AGAP1: variants seen among roughly 807,000 people sequenced by gnomAD.
The protein encoded by AGAP1 is arf-GAP with GTPase, ANK repeat and PH domain-containing protein 1.
Under a neutral mutation model 105.3 loss-of-function variants are expected in AGAP1, and 29 were observed. That is an observed-to-expected ratio of 0.28 (90% CI 0.21 to 0.38). The LOEUF (loss-of-function observed/expected upper bound fraction) is 0.38. Ranked by LOEUF, AGAP1 falls within the 10% of genes least tolerant of loss-of-function variation. The pLI is 1.00. For missense variants in AGAP1, 998 were observed against 1,165.1 expected, an observed-to-expected ratio of 0.86 and a Z score of 2.09; for synonymous variants, 509 against 485.9, an observed-to-expected ratio of 1.05 and a Z score of -0.63.
Position 235,883,459 on chromosome 2 carries a change from G to T in AGAP1, c.1155+10G>T. 6.2e-7 allele frequency: 1 copy of T among 1,608,240 alleles called. No homozygotes were observed. The highest frequency in any genetic ancestry group is 1.1e-5 in the South Asian group (1 of 90,782). On this transcript the variant is annotated intron_variant, in intron 10 of 17. Transcript: ENST00000304032. The surrounding 1 kb of genome is among the most constrained non-coding windows in gnomAD (Gnocchi z 4.5). ...TCATCCCAGTTTACATGTGAGTATA[G>T]CCCCCTCGGAGCAATTAACAGCTGC...
At chr2:235,921,975 T>C (rs2052202895) in intron 11 of AGAP1, among the ~76,000 whole-genome samples, 1 of 152,206 alleles carries the variant, frequency 6.6e-6, no homozygotes, top group African/African-American at 2.4e-5. Flanking sequence ...TTCTGTTCTT[T>C]TTGGGTTTGT....
Position 235,751,302 on chromosome 2 carries a change from C to G in AGAP1, c.673+814C>G, listed in dbSNP as rs1336204629. 1.3e-5 allele frequency among the ~76,000 whole-genome samples: 2 copies of G among 152,114 alleles called. No homozygotes were observed. Among genetic ancestry groups the G allele is most frequent in the Non-Finnish European group, 2.9e-5 (2 of 68,006 alleles). On this transcript the variant is annotated intron_variant, in intron 6 of 17. Transcript: ENST00000304032. This position sits in a 1 kb window ranked among gnomAD's most constrained non-coding sequence, Gnocchi z 5.3. ...GAGAGGCATGGTTCTGGCAGAGGGT[C>G]CCCTTGCTGGTGGGAGTGGTGGAAG...
At chr2:235,511,328 A>AG (rs1942098799) in intron 1 of AGAP1, among the ~76,000 whole-genome samples, 1 of 151,024 alleles carries the variant, frequency 6.6e-6, no homozygotes, top group Non-Finnish European at 1.5e-5. Context: ...GTGTGCCCAG[A>AG]GGGGCCCGCC....
At position 235,754,943 on chromosome 2, in the gene AGAP1, C is replaced by A. The variant is rs1367716363; in HGVS notation, c.673+4455C>A. Among the ~76,000 whole-genome samples the A allele has an allele frequency of 6.6e-6, 1 of 152,240 alleles. No individual in the cohort carries two copies. Among genetic ancestry groups the A allele is most frequent in the African/African-American group, 2.4e-5 (1 of 41,480 alleles). ...CTGCTTTCTGGGGGTGGAGCGTTCT[C>A]GCTCCTGCTCACAGGCGAGTTTGTG... On this transcript the variant is annotated intron_variant, in intron 6 of 17. Transcript: ENST00000304032. The surrounding 1 kb of genome is among the most constrained non-coding windows in gnomAD (Gnocchi z 4.6).
At chr2:235,594,906 T>TTTA (rs60333666) in intron 1 of AGAP1, among the ~76,000 whole-genome samples, 1 of 138,712 alleles carries the variant, frequency 7.2e-6, no homozygotes, top group South Asian at 2.2e-4. Flanking sequence ...TTTTTTTTTT[T>TTTA]ATGATGTAAA....
rs557150153 is a variant in AGAP1, at chr2:235,841,550, G to A, written c.1050+34219G>A. Among the ~76,000 whole-genome samples the A allele has an allele frequency of 3.3e-4, 51 of 152,272 alleles. 1 individual carries two copies. Among genetic ancestry groups the A allele is most frequent in the South Asian group, 3.1e-3 (15 of 4,822 alleles). On this transcript the variant is annotated intron_variant, in intron 9 of 17. Coordinates refer to ENST00000304032, the MANE Select transcript of AGAP1 (RefSeq NM_001037131.3). ...AGGCTGAGGTAGAAGGATCACCTGA[G>A]CCTAGGGAGGTTGAGGCTGCAGTGA...
At chr2:235,998,633 T>C (rs1252423054) in intron 13 of AGAP1, among the ~76,000 whole-genome samples, 1 of 145,972 alleles carries the variant, frequency 6.9e-6, no homozygotes, top group East Asian at 1.9e-4. Flanking sequence ...AAGTTAGGGA[T>C]GGTGACGGTG....
At chr2:235,832,368 C>T (rs1959524019) in intron 9 of AGAP1, among the ~76,000 whole-genome samples, 1 of 152,124 alleles carries the variant, frequency 6.6e-6, no homozygotes, top group South Asian at 2.1e-4. Context: ...CTTCATTTTG[C>T]CTGTAACATA....
intron 9 of AGAP1, among the ~76,000 whole-genome samples, chr2:235,848,466 GA>G (rs1961775955): frequency 1.3e-5 from 2 of 152,164 alleles, no homozygotes; most frequent in African/African-American, 4.8e-5. Flanking sequence ...ACATGCTTAA[GA>G]AAAAGAGGGA....
At chr2:235,876,175 G>C (rs1325751224) in intron 9 of AGAP1, among the ~76,000 whole-genome samples, 1 of 152,048 alleles carries the variant, frequency 6.6e-6, no homozygotes, top group Admixed American at 6.6e-5. Flanking sequence ...GCAAATACTT[G>C]TATCTGTTGT....
intron 1 of AGAP1, among the ~76,000 whole-genome samples, chr2:235,541,975 C>T (rs1440807505): frequency 3.3e-5 from 5 of 152,102 alleles, no homozygotes; most frequent in Non-Finnish European, 4.4e-5. Flanking sequence ...GTTCTTCTAA[C>T]GGCTGCATTA....
At chr2:235,722,439 G>T (rs571246723) in intron 3 of AGAP1, among the ~76,000 whole-genome samples, 2 of 152,262 alleles carry the variant, frequency 1.3e-5, no homozygotes, top group South Asian at 4.1e-4. Context: ...TGGCTGGGAG[G>T]GTTAAGGTGG....
At chr2:235,839,869 T>C (rs993960646) in intron 9 of AGAP1, among the ~76,000 whole-genome samples, 1 of 152,108 alleles carries the variant, frequency 6.6e-6, no homozygotes, top group Non-Finnish European at 1.5e-5. Flanking sequence ...TGATTTCCAC[T>C]CAGAAATAGA....
intron 9 of AGAP1, among the ~76,000 whole-genome samples, chr2:235,829,327 C>T (rs75474454): frequency 7.7e-4 from 117 of 152,312 alleles, no homozygotes; most frequent in African/African-American, 2.6e-3. Context: ...TCTTTATGTC[C>T]GTAATGTGAT....
intron 1 of AGAP1, among the ~76,000 whole-genome samples, chr2:235,573,039 CTTCTTCTTCTTCTTCTTCTTCTTTCTTCT>C (rs1559258832): frequency 6.3e-4 from 16 of 25,522 alleles, no homozygotes; most frequent in Admixed American, 1.9e-3. Flanking sequence ...TCTTCTTCTT[CTTCTTCTTCTTCTTCTTCTTCTTTCTTCT>C]TTCTTCTTTC....
chr2:235,777,662 G>A lies in AGAP1; in HGVS notation c.674-20097G>A, dbSNP rs758363476. On this transcript the variant is annotated intron_variant, in intron 6 of 17. Coordinates refer to ENST00000304032, the MANE Select transcript of AGAP1 (RefSeq NM_001037131.3). The surrounding 1 kb of genome is among the most constrained non-coding windows in gnomAD (Gnocchi z 5.1). ...CTAAGTGCCTTCAGCTGTCACCTGAGCACGTTCAAGCCTCCTGCCCAGCAC... is the reference window on the plus strand; with the variant it reads ...CTAAGTGCCTTCAGCTGTCACCTGAACACGTTCAAGCCTCCTGCCCAGCAC... 6.6e-6 allele frequency among the ~76,000 whole-genome samples: 1 copy of A among 152,162 alleles called. No individual in the cohort carries two copies. The highest frequency in any genetic ancestry group is 1.5e-5 in the Non-Finnish European group (1 of 68,036).
chr2:236,020,564 T>G lies in AGAP1; in HGVS notation c.1646-15997T>G, dbSNP rs2056850903. Among the ~76,000 whole-genome samples, 1 of 152,168 alleles carries G rather than the reference T, an allele frequency of 6.6e-6. No individual in the cohort carries two copies. Among genetic ancestry groups the G allele is most frequent in the Non-Finnish European group, 1.5e-5 (1 of 68,030 alleles). On this transcript the variant is annotated intron_variant, in intron 13 of 17. Coordinates refer to ENST00000304032, the MANE Select transcript of AGAP1 (RefSeq NM_001037131.3). This position sits in a 1 kb window ranked among gnomAD's most constrained non-coding sequence, Gnocchi z 5.0. ...CCCAGCTGTGTGGCTTGGGATGCTT[T>G]CCTGGGTCTGTCCTTCCTCTCTGTT...
At position 236,104,716 on chromosome 2, in the gene AGAP1, C is replaced by T. The variant is rs1429513781; in HGVS notation, c.2115-15476C>T. ...CTAGCCTGGCCAACATGGTGAAACC[C>T]CGTCTCTACCAAAAATACAAAAATT... On this transcript the variant is annotated intron_variant, in intron 16 of 17. Coordinates refer to ENST00000304032, the MANE Select transcript of AGAP1 (RefSeq NM_001037131.3). This position sits in a 1 kb window ranked among gnomAD's most constrained non-coding sequence, Gnocchi z 4.7. 3.9e-5 allele frequency among the ~76,000 whole-genome samples: 6 copies of T among 152,146 alleles called. No individual in the cohort carries two copies. Among genetic ancestry groups the T allele is most frequent in the Non-Finnish European group, 8.8e-5 (6 of 68,042 alleles).
Position 236,101,621 on chromosome 2 carries a change from G to A in AGAP1, c.2115-18571G>A, listed in dbSNP as rs565752304. On this transcript the variant is annotated intron_variant, in intron 16 of 17. Coordinates refer to ENST00000304032, the MANE Select transcript of AGAP1 (RefSeq NM_001037131.3). This position sits in a 1 kb window ranked among gnomAD's most constrained non-coding sequence, Gnocchi z 4.9. ...GGCTTACATCCACTTTACGGGATCC[G>A]GAGCGGAGGAAAAGGGCCATTTCTC... Among the ~76,000 whole-genome samples the A allele has an allele frequency of 9.8e-5, 15 of 152,314 alleles. No individual in the cohort carries two copies. The South Asian group carries it at 2.1e-3, about 21-fold the overall frequency.
Sources: gnomAD v4.1 joint callset for allele counts (sites outside exome capture counted in the v4.1 genomes callset) on GRCh38, gnomAD v4.1.1 for gene constraint, Gnocchi (gnomAD v3.1) non-coding constraint, MANE v1.5 for transcripts, NCBI Gene and HGNC (gene_info 2026-07-23, HGNC 2026-07-21) for gene names.